PPP4R3A: variants seen among roughly 807,000 people sequenced by gnomAD.
The protein encoded by PPP4R3A is serine/threonine-protein phosphatase 4 regulatory subunit 3A.
A neutral mutation model predicts 91.7 loss-of-function variants in PPP4R3A; 15 were observed. The ratio of observed to expected loss-of-function variants is 0.16; its 90% CI spans 0.11 to 0.25. The LOEUF is 0.25. Ranked by LOEUF, PPP4R3A falls within the 10% of genes least tolerant of loss-of-function variation. The pLI is 1.00. For missense variants in PPP4R3A, 623 were observed against 998.4 expected (o/e 0.62, Z 5.07); for synonymous variants, 377 against 348.7 (o/e 1.08, Z -0.91).
chr14:91,462,289 T>A, intron 12 of PPP4R3A, 50 bp from the exon 13 acceptor site: 1 of 1,450,486 alleles, frequency 6.9e-7, no homozygotes, highest in Non-Finnish European at 9.0e-7. Context: ...GACTTAATTG[T>A]ACTGTTACAG....
In PPP4R3A at chr14:91,479,293, CGTGTGTGTGT is replaced by C. The variant is rs3029507; in HGVS notation, c.915+2273_915+2282del. On this transcript the variant is annotated intron_variant, in intron 4 of 14. Transcript: ENST00000554943. ...ACAGGCATCAAAGAATAAAAAACAA[CGTGTGTGTGT>C]GTGTGTGTGTGTGTGTGTGTGTGTG... Among the ~76,000 whole-genome samples the C allele has an allele frequency of 1.3e-3, 184 of 144,202 alleles. 1 individual carries two copies. Among genetic ancestry groups the C allele is most frequent in the Admixed American group, 2.8e-3 (40 of 14,402 alleles). The allele number at this position is 144,202 out of a possible 152,430, so 94.6% of individuals were successfully genotyped here.
chr14:91,458,454 A>C lies in PPP4R3A; in HGVS notation c.*305T>G. On this transcript the variant is annotated 3_prime_UTR_variant, in exon 15 of 15. Transcript: ENST00000554943. ...TCTGATTGTAGCAACTGACCAGTCA[A>C]TCCAGAGTTCCACTTACAAAACCCC... The C allele has an allele frequency of 7.1e-6, 3 of 424,938 alleles. No homozygotes were observed. Among genetic ancestry groups the C allele is most frequent in the Non-Finnish European group, 1.3e-5 (3 of 228,024 alleles). 26.3% of individuals were successfully genotyped at this position (424,938 alleles called of 1,614,324 possible). A position where few individuals can be genotyped will look rare whatever the true frequency, so the allele number is the denominator to read the frequency against.
At chr14:91,502,942 C>T (rs1373756966) in intron 1 of PPP4R3A, among the ~76,000 whole-genome samples, 1 of 152,216 alleles carries the variant, frequency 6.6e-6, no homozygotes, top group East Asian at 1.9e-4. Context: ...CAAAGACACT[C>T]TTCAGTGTGT....
chr14:91,476,291 T>C (rs575516025), intron 6 of PPP4R3A, 117 bp downstream of exon 6: 6 of 834,530 alleles, frequency 7.2e-6, no homozygotes, highest in Non-Finnish European at 1.2e-5. Flanking sequence ...TTTAACTTAA[T>C]GAACTACGCA....
At position 91,497,117 on chromosome 14, in the gene PPP4R3A, C is replaced by T. The variant is rs140426941; in HGVS notation, c.143-6315G>A. 5.1e-4 allele frequency among the ~76,000 whole-genome samples: 77 copies of T among 152,090 alleles called. No homozygotes were observed. In the East Asian group the frequency reaches 0.013, roughly 25 times the overall value. On this transcript the variant is annotated intron_variant, in intron 1 of 14. Coordinates refer to ENST00000554943, the MANE Select transcript of PPP4R3A (RefSeq NM_001366432.2). ...ATAACATGGTAGCAGAGATGACAGG[C>T]GAGAAATGATGATCCTTAGCAGGAG...
intron 11 of PPP4R3A, 92 bp downstream of exon 11, chr14:91,465,158 T>A: frequency 2.1e-6 from 2 of 955,982 alleles, no homozygotes; most frequent in Non-Finnish European, 2.9e-6. Context: ...TCTCTCCAAA[T>A]ATTATCATCT....
At chr14:91,504,580 T>C (rs910854524) in intron 1 of PPP4R3A, among the ~76,000 whole-genome samples, 1 of 146,852 alleles carries the variant, frequency 6.8e-6, no homozygotes, top group African/African-American at 2.5e-5. Flanking sequence ...CCGGCCTAAG[T>C]GACAAGAGCG....
intron 1 of PPP4R3A, among the ~76,000 whole-genome samples, chr14:91,497,571 T>G (rs2140149992): frequency 6.6e-6 from 1 of 152,338 alleles, no homozygotes; most frequent in East Asian, 1.9e-4. Flanking sequence ...TCTGCCACTG[T>G]GGAATCTATC....
chr14:91,462,030 C>T lies in PPP4R3A; in HGVS notation c.2164+19G>A. 1 of 1,480,022 alleles carries T rather than the reference C, an allele frequency of 6.8e-7. No homozygotes were observed. Among genetic ancestry groups the T allele is most frequent in the Non-Finnish European group, 9.0e-7 (1 of 1,115,922 alleles). 91.7% of individuals were successfully genotyped at this position (1,480,022 alleles called of 1,614,324 possible). On this transcript the variant is annotated intron_variant, in intron 13 of 14. Coordinates refer to ENST00000554943, the MANE Select transcript of PPP4R3A (RefSeq NM_001366432.2). ...TAAGAAAGCCTTAATTTTCTCTTGC[C>T]CATTTTTTTCCAACATACATTTCTT...
chr14:91,486,510 C>T (rs571890836), intron 2 of PPP4R3A, among the ~76,000 whole-genome samples: 30 of 152,190 alleles, frequency 2.0e-4, no homozygotes, highest in Admixed American at 7.2e-4. Flanking sequence ...ATGAACAGTT[C>T]AACAGTTTTT....
intron 1 of PPP4R3A, among the ~76,000 whole-genome samples, chr14:91,496,699 TCA>T (rs1404732921): frequency 6.6e-6 from 1 of 152,190 alleles, no homozygotes; most frequent in East Asian, 1.9e-4. Flanking sequence ...TTCAGCCATA[TCA>T]CAGTTTTGGT....
chr14:91,505,896 G>A (rs1891263106), intron 1 of PPP4R3A, among the ~76,000 whole-genome samples: 1 of 152,028 alleles, frequency 6.6e-6, no homozygotes, highest in African/African-American at 2.4e-5. Flanking sequence ...ACCCCAACTG[G>A]CAGTCAACAC....
intron 1 of PPP4R3A, among the ~76,000 whole-genome samples, chr14:91,496,011 T>C (rs1051859069): frequency 6.6e-6 from 1 of 152,170 alleles, no homozygotes; most frequent in Non-Finnish European, 1.5e-5. Flanking sequence ...AATGTTAATA[T>C]ATGAATCAAA....
At chr14:91,467,748 AGTT>A (rs1888560352) in intron 10 of PPP4R3A, among the ~76,000 whole-genome samples, 3 of 152,232 alleles carry the variant, frequency 2.0e-5, no homozygotes, top group Non-Finnish European at 4.4e-5. Context: ...ATACTTAACT[AGTT>A]GTCTTTAAAG....
intron 9 of PPP4R3A, among the ~76,000 whole-genome samples, chr14:91,471,462 G>A (rs540666907): frequency 1.3e-5 from 2 of 152,178 alleles, no homozygotes; most frequent in South Asian, 2.1e-4. Context: ...TACTTGTAAC[G>A]AGTCTATACT....
intron 1 of PPP4R3A, among the ~76,000 whole-genome samples, chr14:91,502,381 G>A (rs940501627): frequency 1.3e-5 from 2 of 152,036 alleles, no homozygotes; most frequent in African/African-American, 4.8e-5. Context: ...AGCTATGATC[G>A]TGGCACTGCA....
Position 91,462,133 on chromosome 14 carries a change from C to T in PPP4R3A, c.2080G>A (p.Glu694Lys), listed in dbSNP as rs1888197847. 6.2e-7 allele frequency: 1 copy of T among 1,606,284 alleles called. No individual in the cohort carries two copies. The highest frequency in any genetic ancestry group is 8.5e-7 in the Non-Finnish European group (1 of 1,177,234). The part of the protein sequence containing the change: ...NTDEDDMEDG[E>K]AVVSPSDKTK... ...TTGTCAGATGGAGACACTACAGCTT[C>T]TCCATCTTCCATGTCATCTTCATCT... is the stretch of plus-strand genomic sequence containing the variant. The change falls in exon 13 of 15, where the codon GAA (glutamate) becomes AAA (lysine). Residue 694 changes from glutamate to lysine, a missense_variant. Around this residue, in one of 5 missense-constraint regions of PPP4R3A, gnomAD observed 201 missense variants for 229.9 expected, o/e 0.87. Coordinates refer to ENST00000554943, the MANE Select transcript of PPP4R3A (RefSeq NM_001366432.2).
chr14:91,472,297 T>G (rs898347471), intron 9 of PPP4R3A, among the ~76,000 whole-genome samples: 1 of 152,092 alleles, frequency 6.6e-6, no homozygotes, highest in African/African-American at 2.4e-5. Flanking sequence ...TCTATACATC[T>G]GGAGTACAAA....
rs1176719237 is a variant in PPP4R3A at position 91,509,943 on chromosome 14, C to G, written c.-296G>C. ...CAGCGCTTCGTAGCCTCCCGCCCCGCAGCGCTAGGAACTCGGGGCTCCCGT... is the reference window on the plus strand; with the variant it reads ...CAGCGCTTCGTAGCCTCCCGCCCCGGAGCGCTAGGAACTCGGGGCTCCCGT... On this transcript the variant is annotated 5_prime_UTR_variant, in exon 1 of 15. Transcript: ENST00000554943. 2 of 1,028,976 alleles carry G rather than the reference C, an allele frequency of 1.9e-6. No homozygotes were observed. Among genetic ancestry groups the G allele is most frequent in the African/African-American group, 3.4e-5 (2 of 58,512 alleles). 63.7% of individuals were successfully genotyped at this position (1,028,976 alleles called of 1,614,324 possible).
Sources: gnomAD v4.1 joint callset for allele counts (sites outside exome capture counted in the v4.1 genomes callset) on GRCh38, gnomAD v4.1.1 for gene constraint, gnomAD v4.1.1 regional missense constraint, MANE v1.5 for transcripts, NCBI Gene and HGNC (gene_info 2026-07-23, HGNC 2026-07-21) for gene names.